Variants in SLCO2A1 observed in about 807,000 individuals in gnomAD.
The protein encoded by SLCO2A1 is matrin F/G 1.
In SLCO2A1, 60 loss-of-function variants were observed where a neutral mutation model predicts 71.7. The ratio of observed to expected loss-of-function variants is 0.84; its 90% CI spans 0.68 to 1.04. The LOEUF (loss-of-function observed/expected upper bound fraction) is 1.04, where lower values mean the gene tolerates loss of function less well. Ranked by LOEUF, SLCO2A1 falls within the 50% of genes least tolerant of loss-of-function variation. SLCO2A1 has a pLI of 0.00. For missense variants in SLCO2A1, 745 were observed against 813.4 expected, an observed-to-expected ratio of 0.92 and a Z score of 1.02; for synonymous variants, 308 against 326.7, an observed-to-expected ratio of 0.94 and a Z score of 0.62.
At chr3:133,948,790 A>G in intron 7 of SLCO2A1, 90 bp from the exon 8 acceptor site, 2 of 1,587,800 alleles carry the variant, frequency 1.3e-6, no homozygotes, top group South Asian at 2.2e-5. Context: ...CTCTGCTCCT[A>G]CTGTCCCTTA....
Position 133,951,235 on chromosome 3 carries a change from G to A in SLCO2A1, c.834C>T (p.Phe278=), listed in dbSNP as rs765647324. ...TTGCTCCTATGGGCATTGCTCGAGG[G>A]AAGAAAAAAAAGGGGAAAGAGGTGA... ...LVLTSFPFFF[F]PRAMPIGAKR... The change falls in exon 6 of 14, where the codon TTC becomes TTT. Residue 278 remains phenylalanine (F), a synonymous_variant. Transcript: ENST00000310926. 5.6e-6 allele frequency: 9 copies of A among 1,613,610 alleles called. No homozygotes were observed. In the Admixed American group the frequency reaches 6.7e-5, roughly 12 times the overall value.
chr3:133,989,617 T>C (rs1323871195), intron 1 of SLCO2A1, among the ~76,000 whole-genome samples: 1 of 152,236 alleles, frequency 6.6e-6, no homozygotes, highest in African/African-American at 2.4e-5. Flanking sequence ...TGCATGTGTT[T>C]AAAATATCAA....
chr3:133,939,755 G>A (rs374783068), intron 11 of SLCO2A1, among the ~76,000 whole-genome samples: 26 of 152,080 alleles, frequency 1.7e-4, no homozygotes, highest in African/African-American at 5.6e-4. Flanking sequence ...TCAATGAAAC[G>A]GGACTTGGCC....
At chr3:133,994,809 T>C (rs915075088) in intron 1 of SLCO2A1, among the ~76,000 whole-genome samples, 3 of 152,150 alleles carry the variant, frequency 2.0e-5, no homozygotes, top group African/African-American at 4.8e-5. Flanking sequence ...ATTCCAGTTC[T>C]TGCCCCGCTT....
chr3:133,934,524 A>C lies in SLCO2A1; in HGVS notation c.*189T>G. On this transcript the variant is annotated 3_prime_UTR_variant, in exon 14 of 14. Transcript: ENST00000310926. ...CAGTTCTGGCCCACACAGCCCGGGT[A>C]CACAGTGGCCCTTAGGAACTGTGGG... The C allele has an allele frequency of 2.0e-6, 1 of 509,832 alleles. No individual in the cohort carries two copies. Among genetic ancestry groups the C allele is most frequent in the Non-Finnish European group, 3.5e-6 (1 of 282,514 alleles). The allele number at this position is 509,832 out of a possible 1,614,324, so 31.6% of individuals were successfully genotyped here.
chr3:134,021,433 C>A (rs1935573965), intron 1 of SLCO2A1, among the ~76,000 whole-genome samples: 1 of 152,148 alleles, frequency 6.6e-6, no homozygotes. Context: ...CCAAGGTAAC[C>A]TGTAAGCCAG....
intron 1 of SLCO2A1, among the ~76,000 whole-genome samples, chr3:134,018,192 A>G (rs530595131): frequency 1.1e-4 from 16 of 152,164 alleles, no homozygotes; most frequent in Admixed American, 5.9e-4. Context: ...ATGCTTAGGA[A>G]CAGAACAATG....
At chr3:133,980,144 C>A (rs1934556339) in intron 1 of SLCO2A1, among the ~76,000 whole-genome samples, 3 of 152,224 alleles carry the variant, frequency 2.0e-5, no homozygotes, top group Non-Finnish European at 4.4e-5. Context: ...AGGCCCACCT[C>A]TAATGCCTCC....
rs1175497707 is a variant in SLCO2A1, at chr3:133,955,048, G to A, written c.543C>T (p.Gly181=). ...ATGGCTGAATAGGCACTGTCCCGAT[G>A]CCAGCCAGCAGCTGGGCAACCACCA... ...GLMVVAQLLA[G]IGTVPIQPFG... The change falls in exon 4 of 14, where the codon GGC becomes GGT. Residue 181 remains glycine (G), a synonymous_variant. Coordinates refer to ENST00000310926, the MANE Select transcript of SLCO2A1 (RefSeq NM_005630.3). The A allele has an allele frequency of 1.2e-6, 2 of 1,614,186 alleles. No individual in the cohort carries two copies. The highest frequency in any genetic ancestry group is 2.2e-5 in the East Asian group (1 of 44,890).
chr3:134,006,040 A>G (rs777512487), intron 1 of SLCO2A1, among the ~76,000 whole-genome samples: 33 of 152,108 alleles, frequency 2.2e-4, no homozygotes, highest in Admixed American at 3.9e-4. Context: ...TGTGTGTAAC[A>G]TAAAACTTGC....
intron 2 of SLCO2A1, among the ~76,000 whole-genome samples, chr3:133,975,691 T>G (rs1343250660): frequency 6.6e-6 from 1 of 152,204 alleles, no homozygotes; most frequent in Non-Finnish European, 1.5e-5. Context: ...AGCTGTTCTT[T>G]GACCACACCA....
At chr3:133,978,266 C>T (rs944859259) in intron 2 of SLCO2A1, among the ~76,000 whole-genome samples, 1 of 152,212 alleles carries the variant, frequency 6.6e-6, no homozygotes, top group Non-Finnish European at 1.5e-5. Context: ...CCTCGGCATG[C>T]AGCCCTCAGA....
At chr3:133,981,197 T>C (rs1425198614) in intron 1 of SLCO2A1, among the ~76,000 whole-genome samples, 2 of 152,158 alleles carry the variant, frequency 1.3e-5, no homozygotes, top group African/African-American at 2.4e-5. Flanking sequence ...CTGCCTCTTA[T>C]TCAACAGAGC....
chr3:133,958,930 C>T (rs1199140676), intron 3 of SLCO2A1, among the ~76,000 whole-genome samples: 2 of 152,142 alleles, frequency 1.3e-5, no homozygotes, highest in African/African-American at 4.8e-5. Context: ...CTCTGTGGCA[C>T]GTTGTCTCAT....
chr3:133,944,285 T>A (rs1042463323), intron 10 of SLCO2A1, among the ~76,000 whole-genome samples: 3 of 152,184 alleles, frequency 2.0e-5, no homozygotes, highest in Non-Finnish European at 4.4e-5. Flanking sequence ...TCCTGTGTGT[T>A]GATTTGATAG....
intron 3 of SLCO2A1, among the ~76,000 whole-genome samples, chr3:133,971,871 G>A (rs1274178455): frequency 6.6e-6 from 1 of 152,076 alleles, no homozygotes; most frequent in Non-Finnish European, 1.5e-5. Context: ...AGCAATGACG[G>A]TCCTGGGTGC....
At chr3:134,021,813 T>TCACCCC (rs1935585698) in intron 1 of SLCO2A1, among the ~76,000 whole-genome samples, 1 of 118,858 alleles carries the variant, frequency 8.4e-6, no homozygotes, top group Non-Finnish European at 2.0e-5. Flanking sequence ...AACCTATAAT[T>TCACCCC]GATAATTGAA....
intron 1 of SLCO2A1, among the ~76,000 whole-genome samples, chr3:134,010,857 T>A (rs1417519977): frequency 9.9e-5 from 15 of 150,970 alleles, no homozygotes; most frequent in African/African-American, 3.4e-4. Context: ...TCCCACCAGG[T>A]CCCTCCTCGG....
At chr3:133,955,952 G>A (rs1481563229) in intron 3 of SLCO2A1, among the ~76,000 whole-genome samples, 2 of 152,176 alleles carry the variant, frequency 1.3e-5, no homozygotes, top group Non-Finnish European at 2.9e-5. Flanking sequence ...GGTGAGGCCT[G>A]TGGGCACTAT....
Sources: gnomAD v4.1 joint callset for allele counts (sites outside exome capture counted in the v4.1 genomes callset) on GRCh38, gnomAD v4.1.1 for gene constraint, MANE v1.5 for transcripts, NCBI Gene and HGNC (gene_info 2026-07-23, HGNC 2026-07-21) for gene names.